VAV2: variants seen among roughly 807,000 people sequenced by gnomAD.
The protein encoded by VAV2 is vav guanine nucleotide exchange factor 2, also known as guanine nucleotide exchange factor VAV2.
In VAV2, 67 loss-of-function variants were observed where a neutral mutation model predicts 132.5. The observed-to-expected ratio is 0.51, with a 90% CI of 0.42 to 0.62. The LOEUF (loss-of-function observed/expected upper bound fraction) is 0.62. Among genes scored for constraint, VAV2 ranks in the 20% least tolerant of loss-of-function variants. The pLI is 0.00. For synonymous variants in VAV2, 492 were observed against 443.5 expected, an observed-to-expected ratio of 1.11 and a Z score of -1.37; for missense variants, 938 against 1,153.6, an observed-to-expected ratio of 0.81 and a Z score of 2.71.
intron 1 of VAV2, among the ~76,000 whole-genome samples, chr9:133,948,317 T>C (rs1841438870): frequency 1.3e-5 from 2 of 152,216 alleles, no homozygotes; most frequent in East Asian, 1.9e-4. Context: ...GCAGGCTGAG[T>C]AATGAACCTG....
chr9:133,797,641 C>A, intron 10 of VAV2, 69 bp downstream of exon 10: 1 of 1,383,196 alleles, frequency 7.2e-7, no homozygotes, highest in East Asian at 2.4e-5. Context: ...AGGCTGGTAC[C>A]TAACGAGCTC....
chr9:133,803,831 G>A (rs539756390), intron 9 of VAV2, among the ~76,000 whole-genome samples: 1 of 152,234 alleles, frequency 6.6e-6, no homozygotes, highest in East Asian at 1.9e-4. Context: ...GGAAGCCCCT[G>A]CAGGACCCTC....
At chr9:133,906,900 C>T (rs377655190) in intron 2 of VAV2, among the ~76,000 whole-genome samples, 224 of 152,300 alleles carry the variant, frequency 1.5e-3, no homozygotes, top group African/African-American at 4.7e-3. Flanking sequence ...ACCCTCGCCC[C>T]GTCCCATCCC....
chr9:133,870,899 C>CGTGG (rs1189209303), intron 2 of VAV2, among the ~76,000 whole-genome samples: 1 of 60,612 alleles, frequency 1.6e-5, no homozygotes, highest in Non-Finnish European at 3.0e-5. Context: ...TGGGTGAGTG[C>CGTGG]GTGGGTGGGT....
intron 2 of VAV2, among the ~76,000 whole-genome samples, chr9:133,878,185 C>A (rs567245884): frequency 1.3e-5 from 2 of 152,192 alleles, no homozygotes; most frequent in Admixed American, 1.3e-4. Context: ...GGGTGTACCA[C>A]GGGGCAGGCA....
At chr9:133,775,122 T>G (rs1169377571) in intron 24 of VAV2, 71 bp from the exon 25 acceptor site, 92 of 1,324,168 alleles carry the variant, frequency 6.9e-5, no homozygotes, top group Non-Finnish European at 2.1e-6. Context: ...CAGCCCTCCG[T>G]GCGTGGCAGG....
At chr9:133,987,172 C>T (rs1380174652) in intron 1 of VAV2, among the ~76,000 whole-genome samples, 1 of 152,158 alleles carries the variant, frequency 6.6e-6, no homozygotes, top group East Asian at 1.9e-4. Flanking sequence ...GCTCCAGACA[C>T]ACTGGGTCTG....
chr9:133,837,968 T>G (rs1422597792), intron 3 of VAV2, among the ~76,000 whole-genome samples: 1 of 152,124 alleles, frequency 6.6e-6, no homozygotes, highest in African/African-American at 2.4e-5. Context: ...CAAATCCAAT[T>G]AATTTCTGCC....
At chr9:133,789,820 G>A (rs1184870122) in intron 13 of VAV2, among the ~76,000 whole-genome samples, 1 of 152,252 alleles carries the variant, frequency 6.6e-6, no homozygotes, top group Non-Finnish European at 1.5e-5. Flanking sequence ...CATTTTCGTT[G>A]TCTGTCTGGT....
At chr9:133,945,402 G>A (rs503596) in intron 1 of VAV2, among the ~76,000 whole-genome samples, 50,466 of 152,134 alleles carry the variant, frequency 0.33, 9,276 homozygotes, top group Non-Finnish European at 0.41. Context: ...TGACCTGATT[G>A]ATCGGCACAT....
chr9:133,958,016 A>T (rs1335514305), intron 1 of VAV2, among the ~76,000 whole-genome samples: 1 of 140,040 alleles, frequency 7.1e-6, no homozygotes, highest in Non-Finnish European at 1.6e-5. Context: ...CATGCTCGTT[A>T]AGAGTCATCA....
At chr9:133,855,363 T>G (rs2510250) in intron 3 of VAV2, among the ~76,000 whole-genome samples, 1 of 152,122 alleles carries the variant, frequency 6.6e-6, no homozygotes, top group Non-Finnish European at 1.5e-5. Context: ...GTAGGTGATT[T>G]GGGAAGGCAA....
At chr9:133,821,886 T>C (rs1835801558) in intron 4 of VAV2, among the ~76,000 whole-genome samples, 1 of 152,166 alleles carries the variant, frequency 6.6e-6, no homozygotes, top group African/African-American at 2.4e-5. Context: ...CCTCCTTCCT[T>C]CCTGCCCCGT....
At chr9:133,881,222 A>G (rs1838482423) in intron 2 of VAV2, among the ~76,000 whole-genome samples, 1 of 152,258 alleles carries the variant, frequency 6.6e-6, no homozygotes, top group Non-Finnish European at 1.5e-5. Flanking sequence ...CCTTGGAGCC[A>G]TGGGCTCCAG....
chr9:133,937,803 C>A (rs1008568236), intron 2 of VAV2, among the ~76,000 whole-genome samples: 4 of 152,190 alleles, frequency 2.6e-5, no homozygotes, highest in African/African-American at 9.7e-5. Context: ...CTCAACAGGG[C>A]ATCAAACTCC....
intron 3 of VAV2, among the ~76,000 whole-genome samples, chr9:133,839,241 T>A (rs530156037): frequency 2.2e-4 from 34 of 151,846 alleles, no homozygotes; most frequent in African/African-American, 8.2e-4. Flanking sequence ...CATGGGTGCA[T>A]GGATGCATGT....
At chr9:133,931,638 C>T (rs1287102705) in intron 2 of VAV2, among the ~76,000 whole-genome samples, 1 of 152,226 alleles carries the variant, frequency 6.6e-6, no homozygotes, top group African/African-American at 2.4e-5. Context: ...CAACAGCATC[C>T]TCATCACGCT....
chr9:133,929,494 C>T (rs1840599634), intron 2 of VAV2, among the ~76,000 whole-genome samples: 1 of 152,058 alleles, frequency 6.6e-6, no homozygotes. Context: ...AGTGACAGCA[C>T]ATGCCAGGAG....
chr9:133,822,766 A>G (rs897155885), intron 4 of VAV2, among the ~76,000 whole-genome samples: 3 of 152,252 alleles, frequency 2.0e-5, no homozygotes, highest in Admixed American at 2.0e-4. Context: ...CTAAGCAGTA[A>G]AAGAGCCTCC....
Sources: allele counts gnomAD v4.1 joint callset (sites outside exome capture counted in the v4.1 genomes callset), GRCh38; gene constraint gnomAD v4.1.1; transcripts MANE v1.5; gene names NCBI Gene and HGNC (gene_info 2026-07-23, HGNC 2026-07-21).